Variants in SLC4A10 observed in about 807,000 individuals in gnomAD.
The protein encoded by SLC4A10 is sodium-driven chloride bicarbonate exchanger.
A neutral mutation model predicts 137.7 loss-of-function variants in SLC4A10; 42 were observed. The ratio of observed to expected loss-of-function variants is 0.30; its 90% CI spans 0.24 to 0.39. The LOEUF (loss-of-function observed/expected upper bound fraction) is 0.39, where lower values mean the gene tolerates loss of function less well. SLC4A10 is among the 10% of genes least tolerant of loss of function. The pLI is 1.00. For missense variants in SLC4A10, 925 were observed against 1,355.0 expected (o/e 0.68, Z 4.98); for synonymous variants, 474 against 464.1 (o/e 1.02, Z -0.27).
chr2:161,769,327 A>C (rs977744533), intron 1 of SLC4A10, among the ~76,000 whole-genome samples: 1 of 151,942 alleles, frequency 6.6e-6, no homozygotes, highest in African/African-American at 2.4e-5. Flanking sequence ...TATAAATTGG[A>C]AACATCTTGC....
At chr2:161,808,535 C>CAGAGT (rs2056229838) in intron 3 of SLC4A10, among the ~76,000 whole-genome samples, 1 of 151,972 alleles carries the variant, frequency 6.6e-6, no homozygotes, top group African/African-American at 2.4e-5. Flanking sequence ...GTAGTGAGCA[C>CAGAGT]AGAGTATAGT....
At chr2:161,664,851 T>C (rs1189046152) in intron 1 of SLC4A10, among the ~76,000 whole-genome samples, 2 of 151,852 alleles carry the variant, frequency 1.3e-5, no homozygotes, top group Admixed American at 6.6e-5. Flanking sequence ...TATATACACA[T>C]GGTTTCCTTA....
chr2:161,950,759 A>G lies in SLC4A10; in HGVS notation c.2452A>G (p.Ile818Val). The change falls in exon 19 of 27, where the codon ATA (isoleucine) becomes GTA (valine). Residue 818 changes from isoleucine (I) to valine (V), a missense_variant. By Grantham distance (29) the Ile-to-Val change is conservative. Around this residue, in one of 11 missense-constraint regions of SLC4A10, gnomAD observed 82 missense variants for 151.4 expected, o/e 0.54. Coordinates refer to ENST00000446997, the MANE Select transcript of SLC4A10 (RefSeq NM_001178015.2). ...PNPWWTVIAA[I>V]IPALLCTILI... ...CCCATGGTGGACAGTAATAGCTGCTATAATTCCAGCTCTGCTTTGTACTAT... is the reference window on the plus strand; with the variant it reads ...CCCATGGTGGACAGTAATAGCTGCTGTAATTCCAGCTCTGCTTTGTACTAT... The G allele has an allele frequency of 6.3e-7, 1 of 1,598,596 alleles. No individual in the cohort carries two copies. Among genetic ancestry groups the G allele is most frequent in the African/African-American group, 1.3e-5 (1 of 74,790 alleles).
chr2:161,906,949 G>A (rs558856912), intron 15 of SLC4A10, among the ~76,000 whole-genome samples: 63 of 151,764 alleles, frequency 4.2e-4, no homozygotes, highest in Admixed American at 3.8e-3. Context: ...CCAGCTACGC[G>A]GGAGGCTGAG....
intron 23 of SLC4A10, among the ~76,000 whole-genome samples, chr2:161,970,920 C>T (rs925800108): frequency 1.3e-5 from 2 of 152,210 alleles, no homozygotes; most frequent in African/African-American, 4.8e-5. Context: ...CAGCCAAGCT[C>T]GTTGTTCACT....
intron 4 of SLC4A10, among the ~76,000 whole-genome samples, chr2:161,843,302 C>T (rs2125805767): frequency 6.6e-6 from 1 of 152,196 alleles, no homozygotes; most frequent in African/African-American, 2.4e-5. Flanking sequence ...TTTTGTTATG[C>T]TCTAATGGAT....
intron 1 of SLC4A10, among the ~76,000 whole-genome samples, chr2:161,635,010 C>T (rs2034181927): frequency 6.6e-6 from 1 of 151,994 alleles, no homozygotes; most frequent in African/African-American, 2.4e-5. Context: ...AACTTTATTT[C>T]TGATTATAAG....
intron 1 of SLC4A10, among the ~76,000 whole-genome samples, chr2:161,751,268 A>T (rs2048935758): frequency 6.7e-6 from 1 of 150,302 alleles, no homozygotes; most frequent in Non-Finnish European, 1.5e-5. Context: ...AGTAGTATTT[A>T]CTGTTGTCCT....
chr2:161,629,920 GTTTA>G (rs2033197916), intron 1 of SLC4A10, among the ~76,000 whole-genome samples: 1 of 151,752 alleles, frequency 6.6e-6, no homozygotes, highest in Admixed American at 6.6e-5. Flanking sequence ...ATGTACTACA[GTTTA>G]TTTATCCATA....
At chr2:161,662,347 A>G (rs1279335094) in intron 1 of SLC4A10, among the ~76,000 whole-genome samples, 1 of 152,114 alleles carries the variant, frequency 6.6e-6, no homozygotes, top group Non-Finnish European at 1.5e-5. Flanking sequence ...AATTTATTAT[A>G]ATTAGTGTGT....
chr2:161,645,598 T>C (rs1024253262), intron 1 of SLC4A10, among the ~76,000 whole-genome samples: 2 of 152,074 alleles, frequency 1.3e-5, no homozygotes, highest in Admixed American at 6.6e-5. Context: ...TGAATAAAGA[T>C]ACAAGAGTTC....
intron 2 of SLC4A10, among the ~76,000 whole-genome samples, chr2:161,800,915 A>G (rs770531673): frequency 5.3e-5 from 8 of 152,058 alleles, no homozygotes; most frequent in Admixed American, 3.9e-4. Flanking sequence ...TCCATCTTGC[A>G]TAAGAACTGT....
At chr2:161,754,475 T>G (rs553262964) in intron 1 of SLC4A10, among the ~76,000 whole-genome samples, 149 of 152,312 alleles carry the variant, frequency 9.8e-4, no homozygotes, top group South Asian at 8.9e-3. Context: ...ATTGTTCTCA[T>G]ATGAATTATG....
At chr2:161,631,988 A>G (rs1038229818) in intron 1 of SLC4A10, among the ~76,000 whole-genome samples, 1 of 151,762 alleles carries the variant, frequency 6.6e-6, no homozygotes, top group African/African-American at 2.4e-5. Flanking sequence ...CTAAGGATCT[A>G]ATAAGCAAGT....
intron 12 of SLC4A10, among the ~76,000 whole-genome samples, 159 bp from the exon 13 acceptor site, chr2:161,903,845 C>A (rs1271282910): frequency 6.6e-6 from 1 of 152,138 alleles, no homozygotes; most frequent in South Asian, 2.1e-4. Flanking sequence ...TGCAGTGCCT[C>A]CCTGTAGATT....
intron 11 of SLC4A10, among the ~76,000 whole-genome samples, chr2:161,899,358 T>C (rs571884611): frequency 6.6e-6 from 1 of 151,814 alleles, no homozygotes; most frequent in South Asian, 2.1e-4. Flanking sequence ...CACAGAAGAG[T>C]TCTCTGTGCT....
intron 2 of SLC4A10, among the ~76,000 whole-genome samples, chr2:161,771,429 T>A (rs1359548716): frequency 6.6e-6 from 1 of 151,828 alleles, no homozygotes; most frequent in Admixed American, 6.6e-5. Context: ...GGCATCTAAC[T>A]CAGCCTATGT....
At chr2:161,713,164 CTT>C in intron 1 of SLC4A10, among the ~76,000 whole-genome samples, 1 of 151,700 alleles carries the variant, frequency 6.6e-6, no homozygotes, top group South Asian at 2.1e-4. Flanking sequence ...AGTGGGATAA[CTT>C]AGACTTACCA....
intron 1 of SLC4A10, chr2:161,709,969 C>T (rs565885878): frequency 6.6e-6 from 1 of 151,552 alleles, no homozygotes; most frequent in Admixed American, 6.6e-5. Context: ...CTTTATGATT[C>T]TGTAGCCTGA....
Sources: gnomAD v4.1 joint callset for allele counts (sites outside exome capture counted in the v4.1 genomes callset) on GRCh38, gnomAD v4.1.1 for gene constraint, gnomAD v4.1.1 regional missense constraint, MANE v1.5 for transcripts, NCBI Gene and HGNC (gene_info 2026-07-23, HGNC 2026-07-21) for gene names.